Variants in SMARCC1 observed in about 807,000 individuals in gnomAD.
SMARCC1 encodes SWI/SNF complex subunit SMARCC1.
A neutral mutation model predicts 147.4 loss-of-function variants in SMARCC1; 43 were observed. The observed-to-expected ratio is 0.29, with a 90% CI of 0.23 to 0.38. The LOEUF is 0.38. Among genes scored for constraint, SMARCC1 ranks in the 10% least tolerant of loss-of-function variants. The pLI is 1.00. For synonymous variants in SMARCC1, 495 were observed against 484.4 expected (o/e 1.02, Z -0.29); for missense variants, 1,119 against 1,381.1 (o/e 0.81, Z 3.01).
chr3:47,685,752 G>C (rs1445851608), intron 14 of SMARCC1, among the ~76,000 whole-genome samples: 1 of 152,062 alleles, frequency 6.6e-6, no homozygotes, highest in African/African-American at 2.4e-5. Context: ...AGCTACTCAG[G>C]AGGCTGAAGC....
At position 47,729,009 on chromosome 3, in the gene SMARCC1, C is replaced by G; in HGVS notation, c.646+16G>C. 1 of 1,589,484 alleles carries G rather than the reference C, an allele frequency of 6.3e-7. No homozygotes were observed. The highest frequency in any genetic ancestry group is 8.6e-7 in the Non-Finnish European group (1 of 1,159,452). ...GATGTATGAGCTCATCTGTTCACAACGCAAAACTAACTTACCATCGTCTTG... is the reference window on the plus strand; with the variant it reads ...GATGTATGAGCTCATCTGTTCACAAGGCAAAACTAACTTACCATCGTCTTG... On this transcript the variant is annotated intron_variant, in intron 6 of 27. Coordinates refer to ENST00000254480, the MANE Select transcript of SMARCC1 (RefSeq NM_003074.4).
intron 4 of SMARCC1, 59 bp from the exon 5 acceptor site, chr3:47,736,185 T>C: frequency 2.1e-6 from 2 of 954,646 alleles, no homozygotes; most frequent in Admixed American, 4.6e-5. Flanking sequence ...TATCATATTA[T>C]TTATGCAATA....
intron 7 of SMARCC1, 33 bp from the exon 8 acceptor site, chr3:47,714,523 A>G (rs998003890): frequency 1.9e-6 from 2 of 1,076,920 alleles, no homozygotes; most frequent in Admixed American, 2.2e-5. Context: ...AAAACAAATT[A>G]GAGTCAAAGG....
intron 3 of SMARCC1, among the ~76,000 whole-genome samples, chr3:47,741,569 C>T (rs2034510601): frequency 6.6e-6 from 1 of 151,284 alleles, no homozygotes; most frequent in African/African-American, 2.4e-5. Context: ...TCTCTTTTCC[C>T]TTACTCCTCC....
intron 27 of SMARCC1, among the ~76,000 whole-genome samples, chr3:47,588,976 C>T (rs569801216): frequency 1.2e-4 from 19 of 152,154 alleles, no homozygotes; most frequent in Non-Finnish European, 2.2e-4. Context: ...ACAAAAGAAC[C>T]CGAGAGATCA....
intron 8 of SMARCC1, 113 bp from the exon 9 acceptor site, chr3:47,710,921 CA>C: frequency 1.4e-6 from 1 of 706,264 alleles, no homozygotes; most frequent in Non-Finnish European, 2.2e-6. Flanking sequence ...ATGCATAAAA[CA>C]TTAATAATGT....
At chr3:47,644,570 T>C (rs2033093933) in intron 21 of SMARCC1, among the ~76,000 whole-genome samples, 1 of 152,256 alleles carries the variant, frequency 6.6e-6, no homozygotes, top group Middle Eastern at 3.4e-3. Flanking sequence ...TGCAGTAACA[T>C]GCTCCCAGCT....
chr3:47,729,048 G>C lies in SMARCC1; in HGVS notation c.623C>G (p.Pro208Arg), dbSNP rs368562060. 3 of 1,611,556 alleles carry C rather than the reference G, an allele frequency of 1.9e-6. No homozygotes were observed. Among genetic ancestry groups the C allele is most frequent in the Non-Finnish European group, 2.5e-6 (3 of 1,178,208 alleles). ...EKSKASHHIYPYSSSQDDEEW... is the reference protein window; with the variant it reads ...EKSKASHHIYRYSSSQDDEEW... ...ACCATCGTCTTGTGAGGAAGAATAT[G>C]GGTAAATGTGGTGGGAAGCTTTTGA... is the stretch of plus-strand genomic sequence containing the variant. The change falls in exon 6 of 28, where the codon CCA (proline) becomes CGA (arginine). Residue 208 changes from proline to arginine, a missense_variant. By Grantham distance (103) the Pro-to-Arg change is moderately radical. Transcript: ENST00000254480.
At chr3:47,711,337 G>A (rs1180616440) in intron 8 of SMARCC1, among the ~76,000 whole-genome samples, 1 of 152,168 alleles carries the variant, frequency 6.6e-6, no homozygotes, top group Non-Finnish European at 1.5e-5. Flanking sequence ...TCATGCTTCT[G>A]AGTAAGAATA....
chr3:47,775,606 T>C (rs1213770590), intron 1 of SMARCC1, among the ~76,000 whole-genome samples: 1 of 150,962 alleles, frequency 6.6e-6, no homozygotes, highest in African/African-American at 2.4e-5. Flanking sequence ...ACCCCGTCTC[T>C]ACTAAAAATA....
chr3:47,638,816 T>C, intron 21 of SMARCC1, 36 bp from the exon 22 acceptor site: 2 of 1,438,498 alleles, frequency 1.4e-6, no homozygotes, highest in Non-Finnish European at 9.8e-7. Context: ...TACTCCAATG[T>C]GGAAAAAGGT....
chr3:47,613,709 C>CA (rs953830267), intron 25 of SMARCC1, among the ~76,000 whole-genome samples: 32 of 151,946 alleles, frequency 2.1e-4, no homozygotes, highest in Admixed American at 8.5e-4. Flanking sequence ...TGTTTAATAA[C>CA]AAAAAAATAG....
At chr3:47,660,218 G>A (rs943003987) in intron 21 of SMARCC1, among the ~76,000 whole-genome samples, 5 of 151,858 alleles carry the variant, frequency 3.3e-5, no homozygotes, top group Admixed American at 6.6e-5. Flanking sequence ...AGGCCGAGGC[G>A]GGCAGATCAC....
intron 25 of SMARCC1, among the ~76,000 whole-genome samples, chr3:47,616,294 C>A (rs1463989232): frequency 2.0e-5 from 3 of 152,168 alleles, no homozygotes; most frequent in African/African-American, 7.2e-5. Context: ...CAGCTCAACA[C>A]CCTCCCCTGA....
intron 1 of SMARCC1, among the ~76,000 whole-genome samples, chr3:47,775,271 C>G (rs1476218447): frequency 1.3e-5 from 2 of 151,420 alleles, no homozygotes; most frequent in Admixed American, 1.3e-4. Flanking sequence ...CAACATTCTC[C>G]TGTCTCAGCC....
intron 6 of SMARCC1, among the ~76,000 whole-genome samples, chr3:47,728,821 G>C (rs1204628860): frequency 6.6e-6 from 1 of 152,186 alleles, no homozygotes; most frequent in African/African-American, 2.4e-5. Flanking sequence ...TGAGTCAGGA[G>C]AATCTCTTGA....
At chr3:47,738,184 G>A (rs905605257) in intron 3 of SMARCC1, 74 bp from the exon 4 acceptor site, 5 of 893,410 alleles carry the variant, frequency 5.6e-6, no homozygotes, top group Middle Eastern at 2.2e-4. Context: ...TTTAGAATTC[G>A]ATGCAAATGA....
chr3:47,598,624 G>A (rs919547248), intron 26 of SMARCC1, among the ~76,000 whole-genome samples: 2 of 151,920 alleles, frequency 1.3e-5, no homozygotes, highest in Admixed American at 6.6e-5. Context: ...GAGGTCAGCA[G>A]ATCAAGACCA....
chr3:47,704,394 C>T (rs2033964734), intron 10 of SMARCC1, among the ~76,000 whole-genome samples: 1 of 152,116 alleles, frequency 6.6e-6, no homozygotes, highest in South Asian at 2.1e-4. Flanking sequence ...CATTAAAGTA[C>T]ATGCATACAT....
Sources: gnomAD v4.1 joint callset for allele counts (sites outside exome capture counted in the v4.1 genomes callset) on GRCh38, gnomAD v4.1.1 for gene constraint, MANE v1.5 for transcripts, NCBI Gene and HGNC (gene_info 2026-07-23, HGNC 2026-07-21) for gene names.